Variants in SCML4 observed in about 807,000 individuals in gnomAD.
SCML4 encodes Scm polycomb group protein like 4.
SCML4 carries 34 observed loss-of-function variants against 41.1 expected under a neutral mutation model. That is an observed-to-expected ratio of 0.83 (90% CI 0.63 to 1.10). The LOEUF is 1.10. Among genes scored for constraint, SCML4 ranks in the 50% least tolerant of loss-of-function variants. The pLI, the probability that SCML4 is intolerant of heterozygous loss-of-function variation, is 0.00. For synonymous variants in SCML4, 214 were observed against 220.9 expected (o/e 0.97, Z 0.28); for missense variants, 522 against 534.1 (o/e 0.98, Z 0.22).
chr6:107,750,664 C>T (rs1005434005), intron 2 of SCML4, among the ~76,000 whole-genome samples: 2 of 152,178 alleles, frequency 1.3e-5, no homozygotes, highest in African/African-American at 4.8e-5. Flanking sequence ...TTTAAAGATA[C>T]TGAGATTCTA....
At position 107,704,007 on chromosome 6, in the gene SCML4, C is replaced by T. The variant is rs771665283; in HGVS notation, c.*1193G>A. On this transcript the variant is annotated 3_prime_UTR_variant, in exon 8 of 8. Transcript: ENST00000369020. The stretch of plus-strand genomic sequence containing the variant: ...CCTAATAAATTGTGGATTCATTGTC[C>T]GTCTCTGGACACAGCTGCAAAGGAG... 5 of 152,172 alleles carry T rather than the reference C, an allele frequency of 3.3e-5. No individual in the cohort carries two copies. The highest frequency in any genetic ancestry group is 4.8e-5 in the African/African-American group (2 of 41,432). The allele number at this position is 152,172 out of a possible 1,614,324, so 9.4% of individuals were successfully genotyped here.
At chr6:107,737,915 T>C (rs1777229602) in intron 5 of SCML4, among the ~76,000 whole-genome samples, 1 of 152,024 alleles carries the variant, frequency 6.6e-6, no homozygotes, top group African/African-American at 2.4e-5. Flanking sequence ...TGAATTTAGC[T>C]TAATTAATTT....
At chr6:107,801,876 C>G (rs376244545) in intron 1 of SCML4, among the ~76,000 whole-genome samples, 8 of 151,906 alleles carry the variant, frequency 5.3e-5, no homozygotes, top group African/African-American at 1.9e-4. Context: ...GTGATTCTCC[C>G]GCCTCAGCCT....
chr6:107,809,072 A>T (rs1157311349), intron 1 of SCML4, among the ~76,000 whole-genome samples: 4 of 151,050 alleles, frequency 2.6e-5, no homozygotes, highest in Non-Finnish European at 4.4e-5. Context: ...ATGAGAGCAG[A>T]TCCCTTAGTG....
rs145593695 is a variant in SCML4 at position 107,777,782 on chromosome 6, G to A, written c.-59-5396C>T. Reference sequence around the variant, plus strand: ...TCACCCTCCTTGCCACCACCTCCCCGTCCTTGACACCACCTCCCCACAGGT... The same window carrying A: ...TCACCCTCCTTGCCACCACCTCCCCATCCTTGACACCACCTCCCCACAGGT... On this transcript the variant is annotated intron_variant, in intron 1 of 7. Coordinates refer to ENST00000369020, the MANE Select transcript of SCML4 (RefSeq NM_198081.5). Among the ~76,000 whole-genome samples the A allele has an allele frequency of 2.6e-3, 390 of 152,010 alleles. 2 individuals carry two copies. Among genetic ancestry groups the A allele is most frequent in the Middle Eastern group, 6.8e-3 (2 of 294 alleles).
chr6:107,837,565 T>A, the SCML4 span, among the ~76,000 whole-genome samples: 1 of 152,198 alleles, frequency 6.6e-6, no homozygotes, highest in African/African-American at 2.4e-5. Context: ...GGTTTTCCAC[T>A]GGAGACAGGT....
chr6:107,822,893 G>C (rs1583686081), intron 1 of SCML4, among the ~76,000 whole-genome samples: 1 of 142,828 alleles, frequency 7.0e-6, no homozygotes, highest in African/African-American at 2.9e-5. Flanking sequence ...TATCAGACTA[G>C]TTCTACCAAG....
intron 1 of SCML4, among the ~76,000 whole-genome samples, chr6:107,781,327 T>C (rs1312653471): frequency 6.6e-6 from 1 of 152,084 alleles, no homozygotes; most frequent in African/African-American, 2.4e-5. Flanking sequence ...TCAATCTCAG[T>C]CGTCCCACAT....
chr6:107,816,144 T>C (rs542623027), intron 1 of SCML4, among the ~76,000 whole-genome samples: 26 of 152,370 alleles, frequency 1.7e-4, no homozygotes, highest in African/African-American at 6.3e-4. Context: ...TTATGTATAA[T>C]ATAAGCCTCA....
chr6:107,770,072 G>C (rs1780396171), intron 2 of SCML4, among the ~76,000 whole-genome samples: 1 of 152,098 alleles, frequency 6.6e-6, no homozygotes, highest in East Asian at 1.9e-4. Flanking sequence ...GAGTGAAACT[G>C]TACAATTTCT....
chr6:107,778,121 A>C (rs2114585118), intron 1 of SCML4, among the ~76,000 whole-genome samples: 2 of 147,796 alleles, frequency 1.4e-5, no homozygotes, highest in African/African-American at 5.0e-5. Context: ...GAGTTGAAGC[A>C]CAAGAATCAC....
chr6:107,827,360 T>A (rs891317375), upstream of SCML4, among the ~76,000 whole-genome samples: 34 of 148,580 alleles, frequency 2.3e-4, no homozygotes, highest in Non-Finnish European at 4.5e-4. Flanking sequence ...TTAAATTTTT[T>A]TATTTAAATA....
chr6:107,819,305 CT>C (rs1357934211), intron 1 of SCML4, among the ~76,000 whole-genome samples: 1 of 152,198 alleles, frequency 6.6e-6, no homozygotes, highest in Non-Finnish European at 1.5e-5. Flanking sequence ...CCATATGTTT[CT>C]GTTTTGAAAC....
chr6:107,831,870 G>A, the SCML4 span, among the ~76,000 whole-genome samples: 29 of 147,020 alleles, frequency 2.0e-4, no homozygotes, highest in South Asian at 4.5e-4. Context: ...TGGCTAACAC[G>A]GTGAAACCCG....
intron 6 of SCML4, among the ~76,000 whole-genome samples, chr6:107,717,018 G>A (rs988728387): frequency 9.2e-5 from 14 of 151,802 alleles, no homozygotes; most frequent in African/African-American, 2.4e-4. Flanking sequence ...GGAATCTTTC[G>A]GCTGGGCGGG....
intron 6 of SCML4, among the ~76,000 whole-genome samples, chr6:107,711,818 G>A (rs551698811): frequency 2.0e-5 from 3 of 152,082 alleles, no homozygotes; most frequent in Non-Finnish European, 4.4e-5. Context: ...TTAGATCTCG[G>A]GGCACAGTGG....
chr6:107,707,816 T>C (rs3734752), intron 7 of SCML4, 50 bp downstream of exon 7: 389,335 of 1,549,700 alleles, frequency 0.25, 51,359 homozygotes, highest in East Asian at 0.46. Flanking sequence ...ACTCTCCTTC[T>C]GTGCCTGCTC....
intron 1 of SCML4, among the ~76,000 whole-genome samples, chr6:107,802,711 TCTCCCTCTCCCTCTCCCC>T (rs1562273248): frequency 3.1e-5 from 4 of 128,440 alleles, no homozygotes; most frequent in Non-Finnish European, 4.7e-5. Flanking sequence ...CTCTCCCTCC[TCTCCCTCTCCCTCTCCCC>T]CTCCCTCTCC....
chr6:107,839,331 G>GAA, the SCML4 span, among the ~76,000 whole-genome samples: 1 of 37,454 alleles, frequency 2.7e-5, no homozygotes, highest in Admixed American at 4.8e-4. Context: ...AAGAAAGAAA[G>GAA]AGAGAGAGAA....
Sources: gnomAD v4.1 joint callset for allele counts (sites outside exome capture counted in the v4.1 genomes callset) on GRCh38, gnomAD v4.1.1 for gene constraint, MANE v1.5 for transcripts, NCBI Gene and HGNC (gene_info 2026-07-23, HGNC 2026-07-21) for gene names.